Variants in FAAH2 observed in about 807,000 individuals in gnomAD.
The protein encoded by FAAH2 is fatty-acid amide hydrolase 2.
In FAAH2, 60 loss-of-function variants were observed where a neutral mutation model predicts 36.9. That is an observed-to-expected ratio of 1.63 (90% CI 1.32 to 2.02). The LOEUF is 2.02. Among genes scored for constraint, FAAH2 ranks in the 30% most tolerant of loss-of-function variants. The pLI is 0.00. For missense variants in FAAH2, 689 were observed against 397.5 expected (o/e 1.73, Z -6.23); for synonymous variants, 214 against 143.8 (o/e 1.49, Z -3.49).
chrX:57,477,428 C>T (rs987164185), intron 10 of FAAH2, among the ~76,000 whole-genome samples: 3 of 110,588 alleles, frequency 2.7e-5, no homozygotes, highest in African/African-American at 9.8e-5. Flanking sequence ...AAAACATTTA[C>T]TGTGGCTGTT....
the FAAH2 span, among the ~76,000 whole-genome samples, chrX:57,205,027 G>T: frequency 8.9e-6 from 1 of 112,452 alleles, no homozygotes; most frequent in Non-Finnish European, 1.9e-5. Context: ...ACACAGGCAG[G>T]AGACTCCTGA....
At chrX:57,341,556 G>T (rs371968075) in intron 5 of FAAH2, among the ~76,000 whole-genome samples, 166 bp downstream of exon 5, 3 of 110,096 alleles carry the variant, frequency 2.7e-5, no homozygotes, top group Non-Finnish European at 5.7e-5. Flanking sequence ...TCTGGGATTG[G>T]TGCACAAAAT....
At chrX:57,179,726 C>A in the FAAH2 span, among the ~76,000 whole-genome samples, 4 of 111,561 alleles carry the variant, frequency 3.6e-5, no homozygotes, top group Non-Finnish European at 7.5e-5. Context: ...CCAGAATTAA[C>A]AAAGATATTC....
intron 3 of FAAH2, among the ~76,000 whole-genome samples, chrX:57,318,007 A>G (rs111671284): frequency 5.8e-4 from 65 of 111,983 alleles, no homozygotes; most frequent in African/African-American, 2.0e-3. Flanking sequence ...AGACACAGCT[A>G]AAGCAGTGTT....
chrX:57,353,004 A>G (rs1368241440), intron 5 of FAAH2, among the ~76,000 whole-genome samples: 1 of 111,127 alleles, frequency 9.0e-6, no homozygotes, highest in Non-Finnish European at 1.9e-5. Flanking sequence ...CAGAAGAATT[A>G]ATATCATTAA....
chrX:57,205,520 C>G, the FAAH2 span, among the ~76,000 whole-genome samples: 1 of 112,001 alleles, frequency 8.9e-6, no homozygotes, highest in African/African-American at 3.2e-5. Flanking sequence ...GTGGAATGAA[C>G]CATGTATGAA....
At chrX:57,159,985 A>G in the FAAH2 span, among the ~76,000 whole-genome samples, 2 of 111,812 alleles carry the variant, frequency 1.8e-5, no homozygotes, top group South Asian at 7.5e-4. Context: ...TGTCATAGAT[A>G]GCTCTTATTA....
At chrX:57,277,363 C>G in the FAAH2 span, among the ~76,000 whole-genome samples, 1 of 111,699 alleles carries the variant, frequency 9.0e-6, no homozygotes, top group African/African-American at 3.3e-5. Flanking sequence ...TGGCCTTCAA[C>G]AAAATTCAAC....
rs5902566 is a variant in FAAH2, at chrX:57,464,518, CAAA to C, written c.1423+15819_1423+15821del. Reference sequence around the variant, plus strand: ...ATGGCCAAGTTCCTAATAGCAATTGCAAAAAAAAAAAAAAAAAAAAATTGACAA... The same window carrying C: ...ATGGCCAAGTTCCTAATAGCAATTGCAAAAAAAAAAAAAAAAAATTGACAA... On this transcript the variant is annotated intron_variant, in intron 10 of 10. Coordinates refer to ENST00000374900, the MANE Select transcript of FAAH2 (RefSeq NM_174912.4). Among the ~76,000 whole-genome samples, 225 of 60,959 alleles carry C rather than the reference CAAA, an allele frequency of 3.7e-3. 2 individuals are homozygous for C. The highest frequency in any genetic ancestry group is 0.013 in the African/African-American group (208 of 15,542). 52.9% of individuals were successfully genotyped at this position (60,959 alleles called of 115,157 possible).
intron 10 of FAAH2, among the ~76,000 whole-genome samples, chrX:57,478,818 G>A (rs1001409290): frequency 9.0e-6 from 1 of 111,437 alleles, no homozygotes; most frequent in African/African-American, 3.3e-5. Context: ...CATTATTTCT[G>A]AGGACTCTGT....
chrX:57,348,573 C>T (rs941000498), intron 5 of FAAH2, among the ~76,000 whole-genome samples: 14 of 111,042 alleles, frequency 1.3e-4, no homozygotes, highest in East Asian at 5.8e-4. Flanking sequence ...CCACTGTGAC[C>T]GCTGAAGCCT....
the FAAH2 span, among the ~76,000 whole-genome samples, chrX:57,164,119 CTT>C: frequency 2.7e-5 from 3 of 111,885 alleles, no homozygotes; most frequent in Non-Finnish European, 5.6e-5. Flanking sequence ...ACTTTAAAAT[CTT>C]TAGGATTTGG....
chrX:57,383,153 A>G (rs1035801276), intron 7 of FAAH2, among the ~76,000 whole-genome samples: 1 of 112,120 alleles, frequency 8.9e-6, no homozygotes, highest in Admixed American at 9.4e-5. Context: ...CTCTCAATAA[A>G]TTAGGTATTG....
At chrX:57,307,778 C>A (rs2052582916) in intron 2 of FAAH2, among the ~76,000 whole-genome samples, 1 of 110,775 alleles carries the variant, frequency 9.0e-6, no homozygotes, top group Admixed American at 9.7e-5. Flanking sequence ...TCAAAACTTT[C>A]CCTCGCTCAC....
the FAAH2 span, among the ~76,000 whole-genome samples, chrX:57,196,544 AC>A: frequency 9.0e-6 from 1 of 111,319 alleles, no homozygotes; most frequent in Non-Finnish European, 1.9e-5. Context: ...CAATCTGGAT[AC>A]CCTTTATTTC....
At chrX:57,133,638 A>G in the FAAH2 span, among the ~76,000 whole-genome samples, 1 of 111,604 alleles carries the variant, frequency 9.0e-6, no homozygotes, top group African/African-American at 3.3e-5. Flanking sequence ...TTCTGTTTCA[A>G]TTTCAGGAGA....
chrX:57,125,771 AT>A, the FAAH2 span, among the ~76,000 whole-genome samples: 1 of 112,125 alleles, frequency 8.9e-6, no homozygotes, highest in African/African-American at 3.2e-5. Context: ...CTCAAACCCT[AT>A]TTTTTATTAT....
intron 8 of FAAH2, among the ~76,000 whole-genome samples, chrX:57,446,477 G>A (rs2056676884): frequency 9.0e-6 from 1 of 111,411 alleles, no homozygotes. Flanking sequence ...ACAATGTAAT[G>A]GATTTTAGTA....
At chrX:57,339,812 A>C (rs995403586) in intron 4 of FAAH2, among the ~76,000 whole-genome samples, 15 of 112,274 alleles carry the variant, frequency 1.3e-4, no homozygotes, top group Non-Finnish European at 5.6e-5. Context: ...AATGTAAATT[A>C]GTTCAACCTT....
Sources: gnomAD v4.1 joint callset for allele counts (sites outside exome capture counted in the v4.1 genomes callset) on GRCh38, gnomAD v4.1.1 for gene constraint, MANE v1.5 for transcripts, NCBI Gene and HGNC (gene_info 2026-07-23, HGNC 2026-07-21) for gene names.